PVT1: variants seen among roughly 807,000 people sequenced by gnomAD.
The protein encoded by PVT1 is Pvt1 oncogene.
At chr8:128,071,905 T>C (rs932956606) in intron 5 of PVT1, among the ~76,000 whole-genome samples, 6 of 152,146 alleles carry the variant, frequency 3.9e-5, no homozygotes, top group African/African-American at 1.4e-4. Context: ...TTATCAGCCA[T>C]GTGGCCTTAG....
chr8:128,040,636 C>T (rs907515732), intron 4 of PVT1, among the ~76,000 whole-genome samples: 1 of 152,168 alleles, frequency 6.6e-6, no homozygotes, highest in African/African-American at 2.4e-5. Context: ...CATCAAGAGA[C>T]AATTGTGGGC....
At chr8:127,889,996 C>T (rs951728493) in intron 2 of PVT1, among the ~76,000 whole-genome samples, 2 of 152,188 alleles carry the variant, frequency 1.3e-5, no homozygotes, top group African/African-American at 4.8e-5. Flanking sequence ...CTATCACCCT[C>T]CTGATGGGAG....
intron 4 of PVT1, among the ~76,000 whole-genome samples, chr8:128,019,440 C>A (rs1314472327): frequency 6.6e-6 from 1 of 152,108 alleles, no homozygotes; most frequent in African/African-American, 2.4e-5. Flanking sequence ...AAACAAAAAC[C>A]CTGAATTGTA....
intron 6 of PVT1, chr8:128,099,962 C>T (rs1027530408): frequency 2.6e-5 from 4 of 152,154 alleles, no homozygotes; most frequent in Non-Finnish European, 5.9e-5. Flanking sequence ...TCAGGTTCCC[C>T]AGCCAGCCGC....
At chr8:127,945,684 G>A (rs1254704247) in intron 3 of PVT1, among the ~76,000 whole-genome samples, 2 of 152,170 alleles carry the variant, frequency 1.3e-5, no homozygotes, top group East Asian at 1.9e-4. Context: ...TTGTTGCCTT[G>A]AGTGTCAGTT....
At chr8:128,088,265 C>T (rs2720675) in intron 5 of PVT1, among the ~76,000 whole-genome samples, 2 of 151,944 alleles carry the variant, frequency 1.3e-5, no homozygotes, top group Non-Finnish European at 1.5e-5. Context: ...GCATGGATCT[C>T]GTGAAAGCCC....
chr8:127,846,518 C>T (rs1815035080), intron 2 of PVT1, among the ~76,000 whole-genome samples: 1 of 152,204 alleles, frequency 6.6e-6, no homozygotes, highest in Admixed American at 6.5e-5. Flanking sequence ...TGAGCATTCT[C>T]CTGGATCAAC....
chr8:127,799,894 TGCAA>T (rs1481402326), intron 2 of PVT1, among the ~76,000 whole-genome samples: 6 of 152,228 alleles, frequency 3.9e-5, no homozygotes. Flanking sequence ...TGTAGTTCTC[TGCAA>T]GCATCAGAAA....
chr8:128,026,315 T>C (rs949478695), intron 4 of PVT1, among the ~76,000 whole-genome samples: 2 of 143,558 alleles, frequency 1.4e-5, no homozygotes, highest in Admixed American at 6.6e-5. Flanking sequence ...TTTTTATTTG[T>C]ATTTTTTTTT....
At chr8:127,892,484 A>G (rs1031673941) in intron 3 of PVT1, among the ~76,000 whole-genome samples, 4 of 152,162 alleles carry the variant, frequency 2.6e-5, no homozygotes, top group African/African-American at 9.7e-5. Flanking sequence ...TCTTGAGTAT[A>G]TATATGACTT....
At chr8:128,030,354 G>A (rs994944213) in intron 4 of PVT1, among the ~76,000 whole-genome samples, 1 of 152,004 alleles carries the variant, frequency 6.6e-6, no homozygotes, top group Non-Finnish European at 1.5e-5. Flanking sequence ...ACATATATTT[G>A]AAAAAGTAAA....
intron 5 of PVT1, among the ~76,000 whole-genome samples, chr8:128,077,413 C>G (rs1205859940): frequency 6.6e-6 from 1 of 152,102 alleles, no homozygotes; most frequent in East Asian, 1.9e-4. Flanking sequence ...CCTGCTTGGG[C>G]TTCAGGGGGT....
At chr8:128,082,663 A>G (rs1293101069) in intron 5 of PVT1, 2 of 152,266 alleles carry the variant, frequency 1.3e-5, no homozygotes, top group Non-Finnish European at 2.9e-5. Flanking sequence ...TGTTAGGAAC[A>G]GTATGCTGAG....
intron 2 of PVT1, among the ~76,000 whole-genome samples, chr8:127,798,385 C>T (rs1814422402): frequency 6.6e-6 from 1 of 151,928 alleles, no homozygotes; most frequent in East Asian, 1.9e-4. Flanking sequence ...TCACCGTGCA[C>T]CTTAGGCACA....
intron 3 of PVT1, among the ~76,000 whole-genome samples, chr8:127,966,991 A>G (rs1345232721): frequency 1.3e-5 from 2 of 152,238 alleles, no homozygotes; most frequent in African/African-American, 4.8e-5. Flanking sequence ...CCTGAGCCCT[A>G]GGCCCCTTTG....
intron 3 of PVT1, among the ~76,000 whole-genome samples, chr8:127,894,368 T>A (rs1480213329): frequency 6.6e-6 from 1 of 152,192 alleles, no homozygotes; most frequent in Non-Finnish European, 1.5e-5. Context: ...AATGTGCCAG[T>A]TCACCTTCTA....
At chr8:127,951,884 C>T (rs934944927) in intron 3 of PVT1, among the ~76,000 whole-genome samples, 9 of 151,250 alleles carry the variant, frequency 6.0e-5, no homozygotes, top group African/African-American at 1.9e-4. Flanking sequence ...GGCATGATCT[C>T]GGCTTACTGC....
chr8:127,936,020 TTCTC>T (rs1292533127), intron 3 of PVT1, among the ~76,000 whole-genome samples: 51 of 149,800 alleles, frequency 3.4e-4, no homozygotes, highest in Admixed American at 4.7e-4. Context: ...AAACAGTGTC[TTCTC>T]TCTCTCTCTC....
intron 5 of PVT1, among the ~76,000 whole-genome samples, chr8:128,093,479 C>T (rs1412602774): frequency 6.6e-6 from 1 of 151,952 alleles, no homozygotes; most frequent in Non-Finnish European, 1.5e-5. Context: ...ATCTCTTGAA[C>T]ATGGGAGGCG....
Sources: allele counts gnomAD v4.1 joint callset (sites outside exome capture counted in the v4.1 genomes callset), GRCh38; gene constraint gnomAD v4.1.1; transcripts MANE v1.5; gene names NCBI Gene and HGNC (gene_info 2026-07-23, HGNC 2026-07-21).